Variants in PHF24 observed in about 807,000 individuals in gnomAD.
PHF24 encodes the protein PHD finger protein 24.
PHF24 carries 25 observed loss-of-function variants against 42.6 expected under a neutral mutation model. The ratio of observed to expected loss-of-function variants is 0.59; its 90% confidence interval spans 0.43 to 0.82. The LOEUF (loss-of-function observed/expected upper bound fraction) is 0.82. Among genes scored for constraint, PHF24 ranks in the 40% least tolerant of loss-of-function variants. The pLI is 0.00. For missense variants in PHF24, 470 were observed against 538.1 expected, an observed-to-expected ratio of 0.87 and a Z score of 1.25; for synonymous variants, 185 against 204.8, an observed-to-expected ratio of 0.90 and a Z score of 0.83.
the PHF24 span, among the ~76,000 whole-genome samples, chr9:34,864,817 T>C: frequency 6.6e-6 from 1 of 152,190 alleles, no homozygotes; most frequent in East Asian, 1.9e-4. Flanking sequence ...ATCAAAAAAA[T>C]AGTAACTACA....
At chr9:34,710,642 A>ATT in the PHF24 span, among the ~76,000 whole-genome samples, 51,508 of 146,860 alleles carry the variant, frequency 0.35, 9,212 homozygotes, top group East Asian at 0.62. Context: ...TGATTTTTCT[A>ATT]TTTTTTTTTT....
the PHF24 span, among the ~76,000 whole-genome samples, chr9:34,839,220 C>G: frequency 2.0e-5 from 3 of 152,174 alleles, no homozygotes; most frequent in Admixed American, 6.5e-5. Flanking sequence ...TGCCTCTGTC[C>G]TTCTTATAGC....
At chr9:34,918,811 T>C in the PHF24 span, among the ~76,000 whole-genome samples, 1 of 152,178 alleles carries the variant, frequency 6.6e-6, no homozygotes, top group Non-Finnish European at 1.5e-5. Context: ...TCCCCGTTGA[T>C]TATTAAGATC....
chr9:34,805,317 C>T, the PHF24 span, among the ~76,000 whole-genome samples: 2 of 152,214 alleles, frequency 1.3e-5, no homozygotes, highest in African/African-American at 4.8e-5. Context: ...ATTTTACATT[C>T]TCATCAGCAA....
At chr9:34,858,714 G>T in the PHF24 span, among the ~76,000 whole-genome samples, 3 of 152,142 alleles carry the variant, frequency 2.0e-5, no homozygotes, top group African/African-American at 7.2e-5. Context: ...TTAGTTCTTT[G>T]TATTTCTGTT....
the PHF24 span, among the ~76,000 whole-genome samples, chr9:34,851,211 CT>C: frequency 3.3e-5 from 5 of 152,194 alleles, no homozygotes; most frequent in Admixed American, 1.3e-4. Flanking sequence ...GAGGTGGTGC[CT>C]GCAGAGGCAT....
the PHF24 span, among the ~76,000 whole-genome samples, chr9:34,681,922 G>A: frequency 6.6e-6 from 1 of 152,308 alleles, no homozygotes; most frequent in African/African-American, 2.4e-5. Context: ...CACATAGTAA[G>A]AAGGTGGCTG....
At chr9:34,849,545 T>TG in the PHF24 span, among the ~76,000 whole-genome samples, 4 of 152,182 alleles carry the variant, frequency 2.6e-5, no homozygotes, top group Admixed American at 1.3e-4. Context: ...TGGGTCTTGA[T>TG]TCTTTATCCA....
chr9:34,819,020 G>A, the PHF24 span, among the ~76,000 whole-genome samples: 1 of 152,102 alleles, frequency 6.6e-6, no homozygotes, highest in African/African-American at 2.4e-5. Context: ...TTCTTCTGGA[G>A]TGAACTTTTA....
chr9:34,758,116 T>C, the PHF24 span, among the ~76,000 whole-genome samples: 1 of 152,102 alleles, frequency 6.6e-6, no homozygotes, highest in African/African-American at 2.4e-5. The surrounding 1 kb of genome is among the most constrained non-coding windows in gnomAD (Gnocchi z 4.4). Context: ...GAGTCTCCCA[T>C]GGGGCTATTC....
At chr9:34,708,326 A>G in the PHF24 span, among the ~76,000 whole-genome samples, 1 of 151,980 alleles carries the variant, frequency 6.6e-6, no homozygotes, top group African/African-American at 2.4e-5. Flanking sequence ...GAAAGGAGGA[A>G]AAAAAAAGGG....
the PHF24 span, among the ~76,000 whole-genome samples, chr9:34,716,739 C>T: frequency 6.6e-6 from 1 of 151,978 alleles, no homozygotes; most frequent in African/African-American, 2.4e-5. Flanking sequence ...ACTGATGTGA[C>T]CCACCATGCC....
the PHF24 span, among the ~76,000 whole-genome samples, chr9:34,673,854 C>G: frequency 9.2e-5 from 14 of 152,144 alleles, no homozygotes; most frequent in Non-Finnish European, 1.3e-4. Flanking sequence ...ATCTCCTGAC[C>G]TTGTGATCTG....
chr9:34,964,649 C>G (rs193016897), intron 1 of PHF24, among the ~76,000 whole-genome samples: 1 of 152,184 alleles, frequency 6.6e-6, no homozygotes, highest in South Asian at 2.1e-4. Flanking sequence ...GAATTCTAAG[C>G]AGGTGCTCTG....
the PHF24 span, among the ~76,000 whole-genome samples, chr9:34,943,985 G>C: frequency 1.3e-5 from 2 of 152,340 alleles, no homozygotes; most frequent in Admixed American, 1.3e-4. Flanking sequence ...TCTGCCATAA[G>C]ACATAATCAA....
chr9:34,682,829 G>A, the PHF24 span, among the ~76,000 whole-genome samples: 2 of 152,106 alleles, frequency 1.3e-5, no homozygotes, highest in African/African-American at 4.8e-5. Flanking sequence ...TCCATTTTTG[G>A]TGGTGGTAGC....
chr9:34,911,499 G>A, the PHF24 span, among the ~76,000 whole-genome samples: 1 of 151,908 alleles, frequency 6.6e-6, no homozygotes, highest in East Asian at 2.0e-4. Context: ...TGATCCACCC[G>A]CCTCAGCCTC....
At chr9:34,909,870 G>A in the PHF24 span, among the ~76,000 whole-genome samples, 1 of 152,098 alleles carries the variant, frequency 6.6e-6, no homozygotes, top group Non-Finnish European at 1.5e-5. Flanking sequence ...CTCGTGATCT[G>A]CCCGCCTTAG....
chr9:34,838,431 GA>G, the PHF24 span: 1 of 1,307,632 alleles, frequency 7.6e-7, no homozygotes, highest in Non-Finnish European at 1.1e-6. Flanking sequence ...TAACGATGAA[GA>G]TGGAGCCATA....
Sources: gnomAD v4.1 joint callset for allele counts (sites outside exome capture counted in the v4.1 genomes callset) on GRCh38, gnomAD v4.1.1 for gene constraint, Gnocchi (gnomAD v3.1) non-coding constraint, MANE v1.5 for transcripts, NCBI Gene and HGNC (gene_info 2026-07-23, HGNC 2026-07-21) for gene names.